Variants in PCDHGA10 observed in about 807,000 individuals in gnomAD.
PCDHGA10 encodes the protein protocadherin gamma subfamily A, 10, also known as protocadherin gamma-A10.
PCDHGA10 carries 42 observed loss-of-function variants against 59.5 expected under a neutral mutation model. That is an observed-to-expected ratio of 0.71 (90% CI 0.55 to 0.91). The LOEUF is 0.91. Among genes scored for constraint, PCDHGA10 ranks in the 40% least tolerant of loss-of-function variants. PCDHGA10 has a pLI of 0.00. For missense variants in PCDHGA10, 1,111 were observed against 1,198.2 expected (o/e 0.93, Z 1.07); for synonymous variants, 511 against 517.2 (o/e 0.99, Z 0.16).
At position 141,478,736 on chromosome 5, in the gene PCDHGA10, T is replaced by G; in HGVS notation, c.2437-16071T>G. On this transcript the variant is annotated intron_variant, in intron 1 of 3. Coordinates refer to ENST00000398610, the MANE Select transcript of PCDHGA10 (RefSeq NM_018913.3). Reference sequence around the variant, plus strand: ...TGGTGGCCTGCCAGAGTGTGGTTTGTGGTCCCATTTCAGGGGGAAGATACT... The same window carrying G: ...TGGTGGCCTGCCAGAGTGTGGTTTGGGGTCCCATTTCAGGGGGAAGATACT... 5 of 1,534,796 alleles carry G rather than the reference T, an allele frequency of 3.3e-6. No homozygotes were observed. In the South Asian group the frequency reaches 6.2e-5, roughly 19 times the overall value.
rs747917835 is a variant in PCDHGA10 at position 141,487,659 on chromosome 5, AT to A, written c.2437-7147del. 3.7e-6 allele frequency: 6 copies of A among 1,613,466 alleles called. No homozygotes were observed. Among genetic ancestry groups the A allele is most frequent in the Non-Finnish European group, 5.1e-6 (6 of 1,179,716 alleles). On this transcript the variant is annotated intron_variant, in intron 1 of 3. Coordinates refer to ENST00000398610, the MANE Select transcript of PCDHGA10 (RefSeq NM_018913.3). This position sits in a 1 kb window ranked among gnomAD's most constrained non-coding sequence, Gnocchi z 5.0. ...CAACAAATGCTTGAGGGTTATTCTGATCCAGGCATATGGCTAGGCCATGTCC... is the reference window on the plus strand; with the variant it reads ...CAACAAATGCTTGAGGGTTATTCTGACCAGGCATATGGCTAGGCCATGTCC...
intron 1 of PCDHGA10, among the ~76,000 whole-genome samples, chr5:141,436,010 A>G (rs1188507054): frequency 6.6e-6 from 1 of 152,168 alleles, no homozygotes; most frequent in Non-Finnish European, 1.5e-5. Context: ...AAGTATTTGA[A>G]TTTATCTAAA....
At chr5:141,459,165 C>T (rs1418626354) in intron 1 of PCDHGA10, among the ~76,000 whole-genome samples, 2 of 152,130 alleles carry the variant, frequency 1.3e-5, no homozygotes, top group African/African-American at 4.8e-5. Context: ...ATTTCTATAA[C>T]CTTCAAAAGT....
intron 1 of PCDHGA10, among the ~76,000 whole-genome samples, chr5:141,484,821 G>A (rs1367529999): frequency 6.6e-6 from 1 of 152,122 alleles, no homozygotes; most frequent in Admixed American, 6.5e-5. Context: ...CGTTGAGCGG[G>A]AGGAAGGCGA....
intron 1 of PCDHGA10, chr5:141,478,169 G>A (rs2099436111): frequency 1.2e-6 from 2 of 1,613,716 alleles, no homozygotes; most frequent in Admixed American, 1.7e-5. Flanking sequence ...TGCCCCCCGG[G>A]AGCAGAAAAA....
In PCDHGA10 at chr5:141,511,580, G is replaced by A. The variant is rs1436011320; in HGVS notation, c.*407G>A. ...CTCTTTCCCGAGTAAGGTGGTTGGG[G>A]TGTTGAAGTACCAAGTAACCTACAA... On this transcript the variant is annotated 3_prime_UTR_variant, in exon 4 of 4. Coordinates refer to ENST00000398610, the MANE Select transcript of PCDHGA10 (RefSeq NM_018913.3). 2 of 282,206 alleles carry A rather than the reference G, an allele frequency of 7.1e-6. No individual in the cohort carries two copies. Among genetic ancestry groups the A allele is most frequent in the Admixed American group, 4.6e-5 (1 of 21,516 alleles). The allele number at this position is 282,206 out of a possible 1,614,324, so 17.5% of individuals were successfully genotyped here.
intron 1 of PCDHGA10, chr5:141,442,535 A>C (rs2098331560): frequency 6.6e-6 from 1 of 152,240 alleles, no homozygotes; most frequent in Non-Finnish European, 1.5e-5. Flanking sequence ...CTCCAAGGTG[A>C]AAAATTCTTG....
rs914637211 is a variant in PCDHGA10, at chr5:141,422,245, G to C, written c.2436+6634G>C. The C allele has an allele frequency of 2.2e-5, 34 of 1,566,540 alleles. No individual in the cohort carries two copies. Among genetic ancestry groups the C allele is most frequent in the Non-Finnish European group, 2.8e-5 (32 of 1,162,588 alleles). On this transcript the variant is annotated intron_variant, in intron 1 of 3. Coordinates refer to ENST00000398610, the MANE Select transcript of PCDHGA10 (RefSeq NM_018913.3). ...CACGACGATGTTGATCACTGTTGTG[G>C]ATGTGAATGATAACGCTCCAGAAAT...
intron 1 of PCDHGA10, chr5:141,418,465 A>G (rs2096261082): frequency 6.2e-7 from 1 of 1,614,022 alleles, no homozygotes; most frequent in Non-Finnish European, 8.5e-7. Context: ...CTCTGGACCG[A>G]GAAACGCAGA....
rs1328089059 is a variant in PCDHGA10, at chr5:141,478,532, G to A, written c.2437-16275G>A. 4.4e-6 allele frequency: 7 copies of A among 1,607,742 alleles called. No homozygotes were observed. The East Asian group carries it at 1.6e-4, about 36-fold the overall frequency. On this transcript the variant is annotated intron_variant, in intron 1 of 3. Coordinates refer to ENST00000398610, the MANE Select transcript of PCDHGA10 (RefSeq NM_018913.3). Reference sequence around the variant, plus strand: ...TAGGCAGGTGTTGGGTGCAGAGAGCGCCCCTCCCGGACAGGTAAGGTTTAG... The same window carrying A: ...TAGGCAGGTGTTGGGTGCAGAGAGCACCCCTCCCGGACAGGTAAGGTTTAG...
intron 1 of PCDHGA10, chr5:141,478,871 T>C: frequency 2.4e-6 from 3 of 1,274,796 alleles, no homozygotes; most frequent in Non-Finnish European, 3.1e-6. Flanking sequence ...GCGATCAGAG[T>C]TTAGCTTGGT....
At chr5:141,462,415 C>G (rs998182982) in intron 1 of PCDHGA10, among the ~76,000 whole-genome samples, 2 of 152,092 alleles carry the variant, frequency 1.3e-5, no homozygotes, top group Non-Finnish European at 2.9e-5. Context: ...AGAATATGGT[C>G]TATCTTGGTG....
intron 1 of PCDHGA10, among the ~76,000 whole-genome samples, chr5:141,466,790 A>C (rs1240777427): frequency 2.0e-5 from 3 of 152,210 alleles, no homozygotes; most frequent in Non-Finnish European, 2.9e-5. Context: ...TTAGTGCCTC[A>C]AACTAGATCC....
At chr5:141,505,259 C>T in intron 2 of PCDHGA10, 134 bp from the exon 3 acceptor site, 2 of 1,500,262 alleles carry the variant, frequency 1.3e-6, no homozygotes, top group Admixed American at 2.0e-5. Flanking sequence ...GTGCCTCCTA[C>T]CTTGCTGAGA....
In PCDHGA10 at chr5:141,512,443, CCTT is replaced by C. The variant is rs1263805618; in HGVS notation, c.*1272_*1274del. On this transcript the variant is annotated 3_prime_UTR_variant, in exon 4 of 4. Coordinates refer to ENST00000398610, the MANE Select transcript of PCDHGA10 (RefSeq NM_018913.3). ...GCCCCTGCCCTCCTGAAGCCTCAGT[CCTT>C]CACCTTGCCAGGTGCCGTTTCTCTT... The C allele has an allele frequency of 1.3e-5, 2 of 152,896 alleles. No homozygotes were observed. The highest frequency in any genetic ancestry group is 4.8e-5 in the African/African-American group (2 of 41,468). 9.5% of individuals were successfully genotyped at this position (152,896 alleles called of 1,614,324 possible).
intron 1 of PCDHGA10, chr5:141,423,320 T>C: frequency 6.2e-7 from 1 of 1,614,148 alleles, no homozygotes; most frequent in Non-Finnish European, 8.5e-7. Flanking sequence ...GTGGTGGCGG[T>C]GGCCGCAGTC....
chr5:141,439,568 A>G (rs2098121048), intron 1 of PCDHGA10, among the ~76,000 whole-genome samples: 1 of 152,208 alleles, frequency 6.6e-6, no homozygotes, highest in Non-Finnish European at 1.5e-5. Context: ...GTTCTAGAGT[A>G]GGGACTCAGA....
At chr5:141,419,877 C>T in intron 1 of PCDHGA10, 3 of 1,614,062 alleles carry the variant, frequency 1.9e-6, no homozygotes, top group Non-Finnish European at 8.5e-7. Flanking sequence ...GAGGTACTGC[C>T]GGATTTCAGC....
Position 141,486,177 on chromosome 5 carries a change from G to A in PCDHGA10, c.2437-8630G>A. The A allele has an allele frequency of 6.2e-7, 1 of 1,614,222 alleles. No individual in the cohort carries two copies. Among genetic ancestry groups the A allele is most frequent in the Non-Finnish European group, 8.5e-7 (1 of 1,180,042 alleles). ...TCTCCAGCCATGGAGCAACATTGCA[G>A]CCTTCGAGTGGATCTGCTGGACGTA... On this transcript the variant is annotated intron_variant, in intron 1 of 3. Coordinates refer to ENST00000398610, the MANE Select transcript of PCDHGA10 (RefSeq NM_018913.3). The surrounding 1 kb of genome is among the most constrained non-coding windows in gnomAD (Gnocchi z 5.0).
Sources: allele counts gnomAD v4.1 joint callset (sites outside exome capture counted in the v4.1 genomes callset), GRCh38; gene constraint gnomAD v4.1.1; non-coding constraint Gnocchi (gnomAD v3.1); transcripts MANE v1.5; gene names NCBI Gene and HGNC (gene_info 2026-07-23, HGNC 2026-07-21).